Variants in TMEM131 observed in about 807,000 individuals in gnomAD.
The protein encoded by TMEM131 is 2610524E03Rik.
TMEM131 carries 66 observed loss-of-function variants against 211.6 expected under a neutral mutation model. The ratio of observed to expected loss-of-function variants is 0.31; its 90% CI spans 0.26 to 0.38. The LOEUF (loss-of-function observed/expected upper bound fraction) is 0.38. Ranked by LOEUF, TMEM131 falls within the 10% of genes least tolerant of loss-of-function variation. The pLI is 1.00. For missense variants in TMEM131, 2,036 were observed against 2,299.3 expected, an observed-to-expected ratio of 0.89 and a Z score of 2.34; for synonymous variants, 844 against 841.3, an observed-to-expected ratio of 1.00 and a Z score of -0.06.
chr2:97,885,483 C>T (rs953659950), intron 4 of TMEM131, among the ~76,000 whole-genome samples: 16 of 152,254 alleles, frequency 1.1e-4, no homozygotes, highest in East Asian at 9.6e-4. Context: ...CCACCGCGCC[C>T]GGCCGTTTGT....
In TMEM131 at chr2:97,888,057, A is replaced by G; in HGVS notation, c.354T>C (p.His118=). The change falls in exon 4 of 41, where the codon CAT becomes CAC. Residue 118 remains histidine, a synonymous_variant. Transcript: ENST00000186436. The stretch of plus-strand genomic sequence containing the variant: ...TCCAAAAATTTTAAACTTACTGTTC[A>G]TGGAAATCCAGCATTGGTGGCTCAA... ...IRFEPPMLDF[H]EQPVGMPKME... 3 of 1,613,406 alleles carry G rather than the reference A, an allele frequency of 1.9e-6. No homozygotes were observed. Among genetic ancestry groups the G allele is most frequent in the Non-Finnish European group, 2.5e-6 (3 of 1,179,492 alleles).
At chr2:97,954,981 C>T (rs1199111783) in intron 1 of TMEM131, among the ~76,000 whole-genome samples, 2 of 151,934 alleles carry the variant, frequency 1.3e-5, no homozygotes, top group Non-Finnish European at 2.9e-5. Flanking sequence ...TCTAATGAAG[C>T]TAGTGTATTA....
chr2:97,820,007 T>C (rs1177448509), intron 11 of TMEM131, among the ~76,000 whole-genome samples: 8 of 152,246 alleles, frequency 5.3e-5, no homozygotes, highest in African/African-American at 1.9e-4. Context: ...GATCTGATTA[T>C]ATGATAATGA....
At chr2:97,761,893 A>G in intron 36 of TMEM131, 142 bp downstream of exon 36, 1 of 942,092 alleles carries the variant, frequency 1.1e-6, no homozygotes, top group Non-Finnish European at 1.5e-6. Flanking sequence ...ACCCCAGGTA[A>G]AAGGGTCCAC....
intron 18 of TMEM131, 25 bp downstream of exon 18, chr2:97,811,103 C>T (rs1368184095): frequency 6.6e-7 from 1 of 1,512,180 alleles, no homozygotes; most frequent in Admixed American, 1.7e-5. Context: ...AACCCCACTG[C>T]CATGAATCCC....
intron 33 of TMEM131, among the ~76,000 whole-genome samples, chr2:97,769,174 A>G (rs1679343298): frequency 1.3e-5 from 2 of 150,830 alleles, no homozygotes; most frequent in Admixed American, 6.7e-5. Context: ...TTTTTGTAAG[A>G]TAAGGTCTTG....
chr2:97,793,318 G>T (rs1559362559), intron 30 of TMEM131, 77 bp downstream of exon 30: 1 of 1,451,968 alleles, frequency 6.9e-7, no homozygotes, highest in South Asian at 1.4e-5. Flanking sequence ...AAGATGAAAA[G>T]AAACTTATTT....
intron 5 of TMEM131, 111 bp from the exon 6 acceptor site, chr2:97,844,372 G>A (rs911999427): frequency 1.3e-5 from 5 of 382,038 alleles, no homozygotes; most frequent in African/African-American, 1.0e-4. Context: ...TCCTTTAAAA[G>A]TTTAAGCTTT....
chr2:97,843,947 C>T (rs1683312795), intron 6 of TMEM131, among the ~76,000 whole-genome samples, 198 bp downstream of exon 6: 1 of 151,288 alleles, frequency 6.6e-6, no homozygotes, highest in Non-Finnish European at 1.5e-5. Flanking sequence ...TTAGCTGTTG[C>T]TTTAAAATCA....
At chr2:97,919,733 G>T (rs186506388) in intron 2 of TMEM131, among the ~76,000 whole-genome samples, 4 of 152,234 alleles carry the variant, frequency 2.6e-5, no homozygotes, top group Admixed American at 6.5e-5. Context: ...ACCATGCCTG[G>T]CTACTTTGGT....
At chr2:97,930,252 G>A (rs1296022041) in intron 1 of TMEM131, among the ~76,000 whole-genome samples, 2 of 151,808 alleles carry the variant, frequency 1.3e-5, no homozygotes, top group South Asian at 2.1e-4. Context: ...CTGGAAACGA[G>A]CTATAGGTGG....
chr2:97,962,206 TA>T (rs1160273178), intron 1 of TMEM131, among the ~76,000 whole-genome samples: 1 of 152,048 alleles, frequency 6.6e-6, no homozygotes, highest in African/African-American at 2.4e-5. Context: ...AAACGCTGCT[TA>T]AAAAATGAAA....
chr2:97,839,382 A>C (rs7579764), intron 7 of TMEM131, among the ~76,000 whole-genome samples: 3,757 of 152,222 alleles, frequency 0.025, 166 homozygotes, highest in African/African-American at 0.087. Flanking sequence ...CAGAAGATTA[A>C]AAAGTCGCCT....
intron 3 of TMEM131, among the ~76,000 whole-genome samples, chr2:97,897,422 C>T (rs1675659742): frequency 2.0e-5 from 3 of 152,094 alleles, no homozygotes; most frequent in Admixed American, 1.3e-4. Flanking sequence ...TCCATAGATA[C>T]TCTTTATCAG....
At chr2:97,829,887 A>T (rs1682581620) in intron 11 of TMEM131, among the ~76,000 whole-genome samples, 1 of 152,222 alleles carries the variant, frequency 6.6e-6, no homozygotes, top group South Asian at 2.1e-4. Context: ...ATCAGCCTGT[A>T]CAACACCAAG....
At chr2:97,966,210 T>C (rs1573626701) in intron 1 of TMEM131, among the ~76,000 whole-genome samples, 1 of 151,944 alleles carries the variant, frequency 6.6e-6, no homozygotes, top group Non-Finnish European at 1.5e-5. Flanking sequence ...AAATCGGCTG[T>C]TCTCTGCTCA....
chr2:97,838,514 G>C (rs889851463), intron 7 of TMEM131, among the ~76,000 whole-genome samples: 1 of 133,008 alleles, frequency 7.5e-6, no homozygotes, highest in Non-Finnish European at 1.5e-5. Flanking sequence ...GTGTGATCTC[G>C]GCTCACTGCA....
At chr2:97,826,259 C>T (rs1269937869) in intron 11 of TMEM131, among the ~76,000 whole-genome samples, 1 of 152,184 alleles carries the variant, frequency 6.6e-6, no homozygotes, top group Non-Finnish European at 1.5e-5. Context: ...ACTAGTGGCA[C>T]TTACCTGAGC....
intron 1 of TMEM131, among the ~76,000 whole-genome samples, chr2:97,929,737 A>G (rs1159238395): frequency 6.6e-6 from 1 of 151,802 alleles, no homozygotes; most frequent in Non-Finnish European, 1.5e-5. Flanking sequence ...TCTGTGGCAT[A>G]TAGAGAATAT....
Sources: allele counts gnomAD v4.1 joint callset (sites outside exome capture counted in the v4.1 genomes callset), GRCh38; gene constraint gnomAD v4.1.1; transcripts MANE v1.5; gene names NCBI Gene and HGNC (gene_info 2026-07-23, HGNC 2026-07-21).